PHAF1: variants seen among roughly 807,000 people sequenced by gnomAD.
PHAF1 encodes phagophore assembly factor 1, also known as phagosome assembly factor 1.
PHAF1 carries 23 observed loss-of-function variants against 63.1 expected under a neutral mutation model. The observed-to-expected ratio is 0.36, with a 90% confidence interval of 0.26 to 0.52. The LOEUF is 0.52. Among genes scored for constraint, PHAF1 ranks in the 20% least tolerant of loss-of-function variants. PHAF1 has a pLI of 0.93. For synonymous variants in PHAF1, 167 were observed against 185.0 expected, an observed-to-expected ratio of 0.90 and a Z score of 0.79; for missense variants, 427 against 517.2, an observed-to-expected ratio of 0.83 and a Z score of 1.69.
chr16:67,139,656 G>A, intron 8 of PHAF1: 1 of 243,040 alleles, frequency 4.1e-6, no homozygotes. Context: ...GCCAGAAACT[G>A]CACTGTTTTT....
intron 2 of PHAF1, among the ~76,000 whole-genome samples, chr16:67,121,358 A>ATT (rs573059769): frequency 1.7e-4 from 23 of 133,004 alleles, no homozygotes; most frequent in Non-Finnish European, 2.8e-4. Flanking sequence ...CACCCAGCTA[A>ATT]TTTTTTTTTT....
chr16:67,141,686 C>T (rs968822653), intron 10 of PHAF1, among the ~76,000 whole-genome samples: 3 of 152,220 alleles, frequency 2.0e-5, no homozygotes, highest in Non-Finnish European at 4.4e-5. Context: ...GCATAGGCAC[C>T]AGCTCCACGT....
rs553424520 is a variant in PHAF1 at position 67,140,189 on chromosome 16, T to C, written c.795+72T>C. ...AATTTAATATTGAGTATAAACTGTTTGCTATTTTCCCATAGAACTTGTTCT... is the reference window on the plus strand; with the variant it reads ...AATTTAATATTGAGTATAAACTGTTCGCTATTTTCCCATAGAACTTGTTCT... On this transcript the variant is annotated intron_variant, in intron 9 of 15. Coordinates refer to ENST00000219139, the MANE Select transcript of PHAF1 (RefSeq NM_025187.5). The C allele has an allele frequency of 2.6e-6, 4 of 1,518,728 alleles. No individual in the cohort carries two copies. In the South Asian group the frequency reaches 4.8e-5, roughly 18 times the overall value. The allele number at this position is 1,518,728 out of a possible 1,614,324, so 94.1% of individuals were successfully genotyped here. A position where few individuals can be genotyped will look rare whatever the true frequency, so the allele number is the denominator to read the frequency against.
chr16:67,139,313 A>G, intron 8 of PHAF1, among the ~76,000 whole-genome samples: 1 of 138,550 alleles, frequency 7.2e-6, no homozygotes, highest in African/African-American at 2.6e-5. Flanking sequence ...AGCTCCAGTG[A>G]TGGAGCTTAT....
rs144107082 is a variant in PHAF1, at chr16:67,118,482, G to A, written c.65-1630G>A. Among the ~76,000 whole-genome samples the A allele has an allele frequency of 8.0e-3, 1,212 of 151,450 alleles. 25 individuals are homozygous for A. The highest frequency in any genetic ancestry group is 0.028 in the African/African-American group (1,158 of 41,266). On this transcript the variant is annotated intron_variant, in intron 1 of 15. Transcript: ENST00000219139. ...CTCCAGAGTAGCTGGGACTACAGGT[G>A]TGTGCCACCATGCCTGGCTAATTTT... is the stretch of plus-strand genomic sequence containing the variant.
In PHAF1 at chr16:67,145,258, C is replaced by T. The variant is rs999975341; in HGVS notation, c.1007-118C>T. On this transcript the variant is annotated intron_variant, in intron 12 of 15. Transcript: ENST00000219139. The stretch of plus-strand genomic sequence containing the variant: ...TGGAACTCCAAAACAGCCTGTTAAT[C>T]CTCCCCATGTACTCCAACCCCAGTG... 22 of 1,156,238 alleles carry T rather than the reference C, an allele frequency of 1.9e-5. No homozygotes were observed. In the Admixed American group the frequency reaches 4.5e-4, roughly 24 times the overall value. 71.6% of individuals were successfully genotyped at this position (1,156,238 alleles called of 1,614,324 possible). A position where few individuals can be genotyped will look rare whatever the true frequency, so the allele number is the denominator to read the frequency against.
intron 2 of PHAF1, among the ~76,000 whole-genome samples, chr16:67,121,144 A>G (rs1332139162): frequency 6.6e-6 from 1 of 152,016 alleles, no homozygotes; most frequent in African/African-American, 2.4e-5. Flanking sequence ...AGGAGTGGGC[A>G]TGTGGTGCCT....
chr16:67,134,083 G>C lies in PHAF1; in HGVS notation c.451-85G>C, dbSNP rs543975340. 4.2e-6 allele frequency: 5 copies of C among 1,201,426 alleles called. No homozygotes were observed. In the South Asian group the frequency reaches 6.6e-5, roughly 16 times the overall value. The allele number at this position is 1,201,426 out of a possible 1,614,324, so 74.4% of individuals were successfully genotyped here. A position where few individuals can be genotyped will look rare whatever the true frequency, so the allele number is the denominator to read the frequency against. On this transcript the variant is annotated intron_variant, in intron 6 of 15. Transcript: ENST00000219139. ...TGACCCTTTGACCTGAGCAGCTCTT[G>C]AAGACCATGAGTGACAGGGAAGACC...
chr16:67,146,942 C>A, intron 15 of PHAF1, 103 bp from the exon 16 acceptor site: 1 of 1,074,334 alleles, frequency 9.3e-7, no homozygotes, highest in Non-Finnish European at 1.4e-6. Flanking sequence ...GAAACCCAGC[C>A]ATTAGGTGCA....
chr16:67,140,529 T>A lies in PHAF1; in HGVS notation c.814T>A (p.Ser272Thr). 1.3e-6 allele frequency: 2 copies of A among 1,593,438 alleles called. No homozygotes were observed. The highest frequency in any genetic ancestry group is 1.7e-6 in the Non-Finnish European group (2 of 1,161,104). Reference protein sequence around the residue: ...SEDKMKIHSPSPHKQVPSKCN... With the variant: ...SEDKMKIHSPTPHKQVPSKCN... ...CCTACAGATGAAAATTCATTCTCCT[T>A]CCCCTCATAAACAAGTTCCATCGAA... is the stretch of plus-strand genomic sequence containing the variant. The change falls in exon 10 of 16, where the codon TCC becomes ACC. Residue 272 changes from serine (S) to threonine (T), a missense_variant. Transcript: ENST00000219139.
chr16:67,148,485 A>C lies in PHAF1; in HGVS notation c.*1354A>C, dbSNP rs982788388. ...GCCCACATCCCCTCTCCAATAAAGC[A>C]CCTGTGCCCTCAGCAATGGCCTGCC... is the stretch of plus-strand genomic sequence containing the variant. On this transcript the variant is annotated 3_prime_UTR_variant, in exon 16 of 16. Transcript: ENST00000219139. The C allele has an allele frequency of 2.0e-5, 3 of 152,336 alleles. No homozygotes were observed. The highest frequency in any genetic ancestry group is 7.2e-5 in the African/African-American group (3 of 41,412). 9.4% of individuals were successfully genotyped at this position (152,336 alleles called of 1,614,324 possible).
At position 67,144,833 on chromosome 16, in the gene PHAF1, G is replaced by C; in HGVS notation, c.963-1G>C. 1 of 1,614,144 alleles carries C rather than the reference G, an allele frequency of 6.2e-7. No individual in the cohort carries two copies. Among genetic ancestry groups the C allele is most frequent in the Non-Finnish European group, 8.5e-7 (1 of 1,180,002 alleles). ...CCTTTACCCATTTGCCTTCTCTCTA[G>C]TTATCATCGCTGTGAGTTCAAGATC... On this transcript the variant is annotated splice_acceptor_variant, in intron 11 of 15. Coordinates refer to ENST00000219139, the MANE Select transcript of PHAF1 (RefSeq NM_025187.5). LOFTEE classifies it high-confidence loss of function.
chr16:67,147,093 A>G lies in PHAF1; in HGVS notation c.1231A>G (p.Arg411Gly). The change falls in exon 16 of 16, where the codon AGG (arginine) becomes GGG (glycine). Residue 411 changes from arginine (R) to glycine (G), a missense_variant. Physicochemically the swap from Arg to Gly is moderately radical, Grantham distance 125. Coordinates refer to ENST00000219139, the MANE Select transcript of PHAF1 (RefSeq NM_025187.5). Reference sequence around the variant, plus strand: ...CTCGGTGACCCTGTATGGCCCCCCCAGGCCTGGTAGCCACCTGAGAACAGC... The same window carrying G: ...CTCGGTGACCCTGTATGGCCCCCCCGGGCCTGGTAGCCACCTGAGAACAGC... ...IASVTLYGPP[R>G]PGSHLRTAEL... 11 of 1,613,962 alleles carry G rather than the reference A, an allele frequency of 6.8e-6. No homozygotes were observed. Among genetic ancestry groups the G allele is most frequent in the Non-Finnish European group, 9.3e-6 (11 of 1,179,940 alleles).
rs1355485306 is a variant in PHAF1 at position 67,145,641 on chromosome 16, T to C, written c.1109+13T>C. 2 of 1,608,536 alleles carry C rather than the reference T, an allele frequency of 1.2e-6. No individual in the cohort carries two copies. Among genetic ancestry groups the C allele is most frequent in the East Asian group, 4.5e-5 (2 of 44,818 alleles). ...TTGTCCTGCACAGGTGAGTGGGAGTTTGATGTCCCCGGCCACCCCACCTGA... is the reference window on the plus strand; with the variant it reads ...TTGTCCTGCACAGGTGAGTGGGAGTCTGATGTCCCCGGCCACCCCACCTGA... On this transcript the variant is annotated intron_variant, in intron 14 of 15. Transcript: ENST00000219139.
chr16:67,126,671 T>C (rs544465013), intron 3 of PHAF1, among the ~76,000 whole-genome samples: 1 of 148,920 alleles, frequency 6.7e-6, no homozygotes, highest in East Asian at 2.1e-4. Context: ...CTTGGCTCAC[T>C]GCCACCTCCT....
intron 3 of PHAF1, among the ~76,000 whole-genome samples, chr16:67,129,570 A>G (rs1963312323): frequency 6.6e-6 from 1 of 152,236 alleles, no homozygotes; most frequent in African/African-American, 2.4e-5. Context: ...TCCTGCATAC[A>G]ATGCCCCACA....
intron 3 of PHAF1, among the ~76,000 whole-genome samples, chr16:67,128,787 A>C (rs1040854111): frequency 7.9e-5 from 12 of 152,258 alleles, no homozygotes; most frequent in Non-Finnish European, 1.5e-4. Context: ...GATGGCCAGC[A>C]CTCTGGGTCC....
chr16:67,136,554 C>CTTTTTTTTTTT (rs34174571), intron 8 of PHAF1, among the ~76,000 whole-genome samples: 1 of 60,484 alleles, frequency 1.7e-5, no homozygotes, highest in Non-Finnish European at 3.0e-5. Flanking sequence ...GCATTGATTC[C>CTTTTTTTTTTT]TTTTTTTTTT....
chr16:67,122,855 A>G (rs1963040073), intron 2 of PHAF1, among the ~76,000 whole-genome samples: 1 of 151,976 alleles, frequency 6.6e-6, no homozygotes, highest in South Asian at 2.1e-4. Context: ...CAGCCTCCCA[A>G]GTACCTGCGA....
Sources: gnomAD v4.1 joint callset for allele counts (sites outside exome capture counted in the v4.1 genomes callset) on GRCh38, gnomAD v4.1.1 for gene constraint, MANE v1.5 for transcripts, NCBI Gene and HGNC (gene_info 2026-07-23, HGNC 2026-07-21) for gene names.